FHOD3: variants seen among roughly 807,000 people sequenced by gnomAD.
The protein encoded by FHOD3 is FH1/FH2 domain-containing protein 3.
A neutral mutation model predicts 173.0 loss-of-function variants in FHOD3; 90 were observed. That is an observed-to-expected ratio of 0.52 (90% confidence interval 0.44 to 0.62). The LOEUF is 0.62. Among genes scored for constraint, FHOD3 ranks in the 20% least tolerant of loss-of-function variants. FHOD3 has a pLI of 0.00. For missense variants in FHOD3, 1,945 were observed against 2,034.7 expected (o/e 0.96, Z 0.85); for synonymous variants, 828 against 823.0 (o/e 1.01, Z -0.10).
intron 2 of FHOD3, among the ~76,000 whole-genome samples, chr18:36,358,432 A>T: frequency 6.6e-6 from 1 of 152,120 alleles, no homozygotes; most frequent in East Asian, 1.9e-4. Context: ...TCCTGCTATA[A>T]ACTCCCCAGA....
chr18:36,365,206 A>G (rs1004052008), intron 2 of FHOD3, among the ~76,000 whole-genome samples: 10 of 152,234 alleles, frequency 6.6e-5, no homozygotes, highest in Non-Finnish European at 1.2e-4. Context: ...TTCTTGCCAC[A>G]TGTGCTTTCC....
chr18:36,330,849 A>G (rs1188806801), intron 1 of FHOD3, among the ~76,000 whole-genome samples: 1 of 151,972 alleles, frequency 6.6e-6, no homozygotes, highest in Admixed American at 6.6e-5. Context: ...TGAGTGAGTG[A>G]GTGAGTGAGT....
intron 3 of FHOD3, among the ~76,000 whole-genome samples, chr18:36,465,862 A>G (rs1226831322): frequency 1.3e-5 from 2 of 152,072 alleles, no homozygotes; most frequent in African/African-American, 2.4e-5. Context: ...TCTAAATTAC[A>G]TTAACCTTAG....
intron 3 of FHOD3, among the ~76,000 whole-genome samples, chr18:36,482,858 C>CACACAGAGAGAGAG (rs1400178557): frequency 1.5e-4 from 19 of 130,452 alleles, no homozygotes; most frequent in African/African-American, 5.6e-4. Context: ...CACACACACA[C>CACACAGAGAGAGAG]AGAGAGAGAG....
intron 23 of FHOD3, 93 bp from the exon 24 acceptor site, chr18:36,746,852 A>G (rs750157550): frequency 2.2e-6 from 2 of 890,220 alleles, no homozygotes; most frequent in Non-Finnish European, 3.4e-6. Flanking sequence ...TTTCGTTTTG[A>G]TGTTTGTTTC....
At chr18:36,494,555 A>G (rs2145860363) in intron 3 of FHOD3, among the ~76,000 whole-genome samples, 1 of 152,286 alleles carries the variant, frequency 6.6e-6, no homozygotes, top group Non-Finnish European at 1.5e-5. Flanking sequence ...ATGTTTCTTC[A>G]TTTATTTATT....
At chr18:36,615,780 A>G (rs1368032764) in intron 9 of FHOD3, among the ~76,000 whole-genome samples, 3 of 152,200 alleles carry the variant, frequency 2.0e-5, no homozygotes, top group Admixed American at 2.0e-4. Flanking sequence ...CCATTTCCTT[A>G]TGGTCTTCAC....
chr18:36,607,610 G>A (rs1434207704), intron 8 of FHOD3, among the ~76,000 whole-genome samples: 1 of 152,190 alleles, frequency 6.6e-6, no homozygotes, highest in African/African-American at 2.4e-5. Flanking sequence ...TGGCCAAGCT[G>A]TGACTTTTTC....
intron 1 of FHOD3, among the ~76,000 whole-genome samples, chr18:36,324,473 A>G (rs1598715495): frequency 1.3e-5 from 2 of 152,354 alleles, no homozygotes; most frequent in South Asian, 2.1e-4. Flanking sequence ...TTTATGTGTT[A>G]TCTCTCTTTG....
In FHOD3 at chr18:36,547,163, A is replaced by AC. The variant is rs1331858412; in HGVS notation, c.512-29287dup. On this transcript the variant is annotated intron_variant, in intron 5 of 28. Transcript: ENST00000590592. Reference sequence around the variant, plus strand: ...AGTGGCATCCTTGTGGGGACGAAGGACATATGAGAGTGTGGGTGAGGAGAG... The same window carrying AC: ...AGTGGCATCCTTGTGGGGACGAAGGACCATATGAGAGTGTGGGTGAGGAGAG... Among the ~76,000 whole-genome samples, 4 of 152,190 alleles carry AC rather than the reference A, an allele frequency of 2.6e-5. No homozygotes were observed. The East Asian group carries it at 7.8e-4, about 30-fold the overall frequency.
In FHOD3 at chr18:36,746,846, G is replaced by A. The variant is rs540971287; in HGVS notation, c.4042-99G>A. On this transcript the variant is annotated intron_variant, in intron 23 of 28. Coordinates refer to ENST00000590592, the MANE Select transcript of FHOD3 (RefSeq NM_001281740.3). ...GTTTGCATTTCAAAATGTGAATTTC[G>A]TTTTGATGTTTGTTTCTCCCCAGAG... 21 of 814,644 alleles carry A rather than the reference G, an allele frequency of 2.6e-5. 1 individual carries two copies. Among genetic ancestry groups the A allele is most frequent in the Middle Eastern group, 4.7e-4 (2 of 4,274 alleles). 50.5% of individuals were successfully genotyped at this position (814,644 alleles called of 1,614,324 possible). A position where few individuals can be genotyped will look rare whatever the true frequency, so the allele number is the denominator to read the frequency against.
chr18:36,769,479 C>T, intron 28 of FHOD3, 53 bp downstream of exon 28: 1 of 1,575,204 alleles, frequency 6.3e-7, no homozygotes. Flanking sequence ...ATCTGCCCTC[C>T]CATTCTACGT....
chr18:36,607,485 T>C (rs545078284), intron 8 of FHOD3, among the ~76,000 whole-genome samples: 1 of 152,334 alleles, frequency 6.6e-6, no homozygotes, highest in East Asian at 1.9e-4. Context: ...TTTTCTCCCA[T>C]CGTCTTGGTG....
Position 36,416,233 on chromosome 18 carries a change from C to T in FHOD3, c.337+43489C>T, listed in dbSNP as rs181133294. Among the ~76,000 whole-genome samples the T allele has an allele frequency of 1.0e-3, 156 of 152,294 alleles. 3 individuals carry two copies. In the East Asian group the frequency reaches 0.025, roughly 24 times the overall value. ...TATTTTTATTAGAGACAGGGTTCCA[C>T]CATGTTAGCCAGGATAGTCTCGATC... On this transcript the variant is annotated intron_variant, in intron 3 of 28. Transcript: ENST00000590592.
intron 3 of FHOD3, among the ~76,000 whole-genome samples, chr18:36,403,019 G>T (rs372096783): frequency 1.5e-4 from 23 of 152,350 alleles, no homozygotes; most frequent in African/African-American, 5.3e-4. Context: ...ACAATGAAGT[G>T]AAAATCTTCG....
chr18:36,567,874 A>C (rs1018675735), intron 5 of FHOD3, among the ~76,000 whole-genome samples: 2 of 152,060 alleles, frequency 1.3e-5, no homozygotes, highest in African/African-American at 4.8e-5. Context: ...TGGGCACCTA[A>C]AACTCTGAGG....
At chr18:36,506,895 C>CT (rs2055331918) in intron 4 of FHOD3, among the ~76,000 whole-genome samples, 1 of 152,216 alleles carries the variant, frequency 6.6e-6, no homozygotes, top group South Asian at 2.1e-4. Context: ...CTCCTCATCC[C>CT]TAGAGGACTC....
At chr18:36,739,311 T>A (rs1381979504) in intron 20 of FHOD3, among the ~76,000 whole-genome samples, 1 of 152,160 alleles carries the variant, frequency 6.6e-6, no homozygotes, top group Non-Finnish European at 1.5e-5. Flanking sequence ...CAAGAACCCA[T>A]ACTTTGCTGA....
At chr18:36,300,858 A>T (rs1349181145) in intron 1 of FHOD3, among the ~76,000 whole-genome samples, 1 of 151,820 alleles carries the variant, frequency 6.6e-6, no homozygotes, top group Non-Finnish European at 1.5e-5. Context: ...CTCCCACCTC[A>T]GCCTCCTGTG....
Sources: allele counts gnomAD v4.1 joint callset (sites outside exome capture counted in the v4.1 genomes callset), GRCh38; gene constraint gnomAD v4.1.1; transcripts MANE v1.5; gene names NCBI Gene and HGNC (gene_info 2026-07-23, HGNC 2026-07-21).